PPP2R3B: variants seen among roughly 807,000 people sequenced by gnomAD.
The protein encoded by PPP2R3B is protein phosphatase 2 regulatory subunit B''beta, also known as serine/threonine-protein phosphatase 2A regulatory subunit B'' subunit beta.
Under a neutral mutation model 72.9 loss-of-function variants are expected in PPP2R3B, and 68 were observed. That is an observed-to-expected ratio of 0.93 (90% CI 0.77 to 1.14). The LOEUF is 1.14. PPP2R3B is among the 50% of genes most tolerant of loss of function. PPP2R3B has a pLI of 0.00. For missense variants in PPP2R3B, 1,018 were observed against 842.0 expected (o/e 1.21, Z -2.59); for synonymous variants, 466 against 375.8 (o/e 1.24, Z -2.78).
At chrX:345,206 G>A (rs1306979827) in intron 7 of PPP2R3B, 1 of 612,738 alleles carries the variant, frequency 1.6e-6, no homozygotes, top group Non-Finnish European at 3.0e-6. Flanking sequence ...CCTTGCTCGG[G>A]TGTTAACAAG....
At chrX:364,280 C>T (rs368460519) in intron 1 of PPP2R3B, among the ~76,000 whole-genome samples, 21 of 152,276 alleles carry the variant, frequency 1.4e-4, no homozygotes, top group Admixed American at 4.6e-4. Flanking sequence ...GCTGCTGGTA[C>T]GAGCTGGGCA....
chrX:364,384 C>G (rs2071639567), intron 1 of PPP2R3B, among the ~76,000 whole-genome samples: 1 of 151,862 alleles, frequency 6.6e-6, no homozygotes, highest in Non-Finnish European at 1.5e-5. Flanking sequence ...TGCGAAAACC[C>G]TCAAACCGGC....
rs772475955 is a variant in PPP2R3B at position 338,872 on chromosome X, T to C, written c.1376A>G (p.Lys459Arg). 6.2e-7 allele frequency: 1 copy of C among 1,612,412 alleles called. No individual in the cohort carries two copies. The highest frequency in any genetic ancestry group is 8.5e-7 in the Non-Finnish European group (1 of 1,179,676). The change falls in exon 11 of 13, where the codon AAG becomes AGG. Residue 459 changes from lysine (K) to arginine (R), a missense_variant. By Grantham distance (26) the Lys-to-Arg change is conservative. Coordinates refer to ENST00000390665, the MANE Select transcript of PPP2R3B (RefSeq NM_013239.5). ...TEGKITLQDL[K>R]RCKLANVFFD... ...GAAGACGTTAGCCAGCTTGCAGCGC[T>C]TCAGGTCCTGCAGCGTGATCTTCCC...
chrX:384,246 C>T (rs903898966), intron 1 of PPP2R3B, among the ~76,000 whole-genome samples: 4 of 151,544 alleles, frequency 2.6e-5, no homozygotes, highest in East Asian at 3.9e-4. Flanking sequence ...GCCTCAAGCT[C>T]GCGCACGCAA....
At chrX:344,794 G>A (rs2071161242) in intron 7 of PPP2R3B, 1 of 276,316 alleles carries the variant, frequency 3.6e-6, no homozygotes, top group Admixed American at 5.0e-5. Flanking sequence ...CTGCGGCCAC[G>A]CGACCCAGGA....
chrX:367,422 G>A (rs1254555972), intron 1 of PPP2R3B, among the ~76,000 whole-genome samples: 6 of 143,576 alleles, frequency 4.2e-5, no homozygotes, highest in Non-Finnish European at 6.1e-5. Context: ...AAATTTAGTC[G>A]ACGTTCCTTT....
At chrX:367,623 G>A (rs2071750214) in intron 1 of PPP2R3B, among the ~76,000 whole-genome samples, 1 of 152,148 alleles carries the variant, frequency 6.6e-6, no homozygotes, top group Non-Finnish European at 1.5e-5. Context: ...CCAAACGAGA[G>A]AAAAGGCGAC....
Position 386,500 on chromosome X carries a change from G to C in PPP2R3B, c.192C>G (p.Ala64=), listed in dbSNP as rs1199445413. The C allele has an allele frequency of 4.7e-5, 61 of 1,294,868 alleles. No homozygotes were observed. Among genetic ancestry groups the C allele is most frequent in the Non-Finnish European group, 5.5e-5 (56 of 1,021,588 alleles). 80.2% of individuals were successfully genotyped at this position (1,294,868 alleles called of 1,614,324 possible). ...GTTCGAGCCCGCTGGGCCGGGGGGCGGCGAGCGGGGCTGTGGGCCAGGCCC... is the reference window on the plus strand; with the variant it reads ...GTTCGAGCCCGCTGGGCCGGGGGGCCGCGAGCGGGGCTGTGGGCCAGGCCC... ...QPGAWPTAPL[A]APRPSGLEPP... Residue 64 remains alanine, a synonymous_variant, in exon 1 of 13, where the codon GCC becomes GCG. Coordinates refer to ENST00000390665, the MANE Select transcript of PPP2R3B (RefSeq NM_013239.5).
intron 1 of PPP2R3B, among the ~76,000 whole-genome samples, chrX:384,038 G>A (rs1483283389): frequency 3.3e-5 from 5 of 151,712 alleles, no homozygotes; most frequent in Non-Finnish European, 7.4e-5. Flanking sequence ...AAGACCAAGG[G>A]CCACCTGAGG....
At chrX:363,671 A>ATCTCCCCGAGCCCGGGATCCCGCAG (rs1569404308) in intron 1 of PPP2R3B, among the ~76,000 whole-genome samples, 47 of 3,598 alleles carry the variant, frequency 0.013, 2 homozygotes, top group East Asian at 0.018. Flanking sequence ...CCATCCCACA[A>ATCTCCCCGAGCCCGGGATCCCGCAG]TGCATCTCCC....
intron 9 of PPP2R3B, among the ~76,000 whole-genome samples, 170 bp downstream of exon 9, chrX:341,135 ACC>A (rs2124590399): frequency 1.2e-4 from 1 of 8,396 alleles, no homozygotes; most frequent in Admixed American, 7.2e-4. Context: ...TGCAGCCCCC[ACC>A]AGGCGTGCAC....
At chrX:353,741 G>A (rs1255142771) in intron 2 of PPP2R3B, among the ~76,000 whole-genome samples, 1 of 152,042 alleles carries the variant, frequency 6.6e-6, no homozygotes, top group African/African-American at 2.4e-5. Context: ...AGGGACCGGG[G>A]GCTGGGGGCT....
chrX:345,071 C>T (rs999868967), intron 7 of PPP2R3B: 3 of 426,746 alleles, frequency 7.0e-6, no homozygotes, highest in African/African-American at 2.0e-5. Flanking sequence ...GCACCGGCTC[C>T]CGCGGAGGTA....
chrX:344,164 G>T (rs370695101), intron 7 of PPP2R3B, among the ~76,000 whole-genome samples: 751 of 29,122 alleles, frequency 0.026, 48 homozygotes, highest in African/African-American at 0.039. Flanking sequence ...GAGGCGGGAG[G>T]GAGACCTCAC....
At chrX:335,846 GC>G (rs1444853980) in intron 12 of PPP2R3B, 1 of 152,168 alleles carries the variant, frequency 6.6e-6, no homozygotes, top group African/African-American at 2.4e-5. Context: ...ATGGGAACGG[GC>G]AAGTTTCCGA....
intron 1 of PPP2R3B, among the ~76,000 whole-genome samples, chrX:375,310 G>A (rs1365544366): frequency 3.3e-5 from 5 of 152,254 alleles, no homozygotes; most frequent in African/African-American, 4.8e-5. Flanking sequence ...AGTAACCCAC[G>A]ATGCGGGGCG....
Position 341,329 on chromosome X carries a change from C to T in PPP2R3B, c.1153G>A (p.Glu385Lys), listed in dbSNP as rs747058191. 1.1e-5 allele frequency: 17 copies of T among 1,612,598 alleles called. No homozygotes were observed. Among genetic ancestry groups the T allele is most frequent in the Admixed American group, 8.3e-5 (5 of 60,026 alleles). Reference protein sequence around the residue: ...ADFVWFLISEEDKKTPTSIEY... With the variant: ...ADFVWFLISEKDKKTPTSIEY... ...CACCTGGTCGGTGTTTTTTTGTCTT[C>T]CTCAGAGATCAAAAACCAGACAAAG... The change falls in exon 9 of 13, where the codon GAA becomes AAA. Residue 385 changes from glutamate (E) to lysine (K), a missense_variant. Glu to Lys is a moderately conservative substitution (Grantham distance 56). Transcript: ENST00000390665.
At chrX:373,700 G>C (rs1364174635) in intron 1 of PPP2R3B, 1 of 162,178 alleles carries the variant, frequency 6.2e-6, no homozygotes, top group African/African-American at 2.4e-5. Flanking sequence ...GCCGGGCGCC[G>C]CGCTCTCGGG....
chrX:353,875 A>G (rs773433555), intron 2 of PPP2R3B, among the ~76,000 whole-genome samples: 3,019 of 75,836 alleles, frequency 0.04, 103 homozygotes, highest in Middle Eastern at 0.074. Flanking sequence ...CCCAAAGACC[A>G]GGGCTCACCC....
Sources: gnomAD v4.1 joint callset for allele counts (sites outside exome capture counted in the v4.1 genomes callset) on GRCh38, gnomAD v4.1.1 for gene constraint, MANE v1.5 for transcripts, NCBI Gene and HGNC (gene_info 2026-07-23, HGNC 2026-07-21) for gene names.